Variants in RBMS3 observed in about 807,000 individuals in gnomAD.
RBMS3 encodes RNA-binding motif, single-stranded-interacting protein 3.
Under a neutral mutation model 66.8 loss-of-function variants are expected in RBMS3, and 27 were observed. The ratio of observed to expected loss-of-function variants is 0.40; its 90% CI spans 0.30 to 0.56. The LOEUF is 0.56. Among genes scored for constraint, RBMS3 ranks in the 20% least tolerant of loss-of-function variants. RBMS3 has a pLI of 0.40. For missense variants in RBMS3, 513 were observed against 549.5 expected (o/e 0.93, Z 0.66); for synonymous variants, 188 against 183.0 (o/e 1.03, Z -0.22).
chr3:29,450,108 C>T (rs2041965411), intron 2 of RBMS3, among the ~76,000 whole-genome samples: 1 of 152,180 alleles, frequency 6.6e-6, no homozygotes, highest in Non-Finnish European at 1.5e-5. Flanking sequence ...TAATGTCTGT[C>T]TAACATGGCC....
intron 4 of RBMS3, among the ~76,000 whole-genome samples, chr3:29,621,827 T>C (rs531826711): frequency 6.6e-6 from 1 of 152,190 alleles, no homozygotes; most frequent in South Asian, 2.1e-4. Flanking sequence ...TCTGAAAAGA[T>C]ATCATATACC....
Position 29,546,708 on chromosome 3 carries a change from T to A in RBMS3, c.308-40406T>A, listed in dbSNP as rs539746512. On this transcript the variant is annotated intron_variant, in intron 3 of 14. Transcript: ENST00000383767. ...TAAGTTTTGCTAGTCTATGATTGCA[T>A]TGGGCTGGGATACAGAAATTGCTAC... Among the ~76,000 whole-genome samples the A allele has an allele frequency of 2.7e-4, 41 of 152,254 alleles. 1 individual carries two copies. The South Asian group carries it at 8.3e-3, about 31-fold the overall frequency.
At chr3:29,368,898 CAT>C (rs1392857418) in intron 1 of RBMS3, among the ~76,000 whole-genome samples, 23 of 152,060 alleles carry the variant, frequency 1.5e-4, no homozygotes, top group African/African-American at 4.8e-4. Flanking sequence ...ATAGCAAAGA[CAT>C]AGAATCAACC....
At chr3:29,968,342 C>T (rs950304358) in intron 12 of RBMS3, among the ~76,000 whole-genome samples, 1 of 152,164 alleles carries the variant, frequency 6.6e-6, no homozygotes, top group Admixed American at 6.5e-5. Flanking sequence ...TCATGCCCTC[C>T]CCTGAGTTCT....
intron 1 of RBMS3, among the ~76,000 whole-genome samples, chr3:29,430,489 C>T (rs1359898251): frequency 6.6e-6 from 1 of 152,192 alleles, no homozygotes; most frequent in African/African-American, 2.4e-5. Context: ...ATCCCAACTT[C>T]GGTTGGCTTT....
rs1469879794 is a variant in RBMS3 at position 29,655,229 on chromosome 3, T to A, written c.399+68024T>A. On this transcript the variant is annotated intron_variant, in intron 4 of 14. Transcript: ENST00000383767. Reference sequence around the variant, plus strand: ...ATGGCTTGTGAATACTAAGTGGCATTTGAATCATGTGTGCTTTCATGGAAA... The same window carrying A: ...ATGGCTTGTGAATACTAAGTGGCATATGAATCATGTGTGCTTTCATGGAAA... 3.3e-5 allele frequency among the ~76,000 whole-genome samples: 5 copies of A among 152,146 alleles called. No individual in the cohort carries two copies. The East Asian group carries it at 9.6e-4, about 29-fold the overall frequency.
chr3:29,789,534 T>C (rs1333095123), intron 6 of RBMS3, among the ~76,000 whole-genome samples: 1 of 152,130 alleles, frequency 6.6e-6, no homozygotes, highest in Non-Finnish European at 1.5e-5. Flanking sequence ...AATCACCATG[T>C]ATATTTTTTA....
At chr3:29,566,826 A>C (rs562477955) in intron 3 of RBMS3, among the ~76,000 whole-genome samples, 42 of 152,022 alleles carry the variant, frequency 2.8e-4, no homozygotes, top group Non-Finnish European at 5.0e-4. Flanking sequence ...CTTGATCGTT[A>C]TGGTGGTTAT....
At chr3:29,312,530 C>T (rs1345877681) in intron 1 of RBMS3, among the ~76,000 whole-genome samples, 1 of 151,586 alleles carries the variant, frequency 6.6e-6, no homozygotes, top group Non-Finnish European at 1.5e-5. Context: ...AAATTTAAAT[C>T]ACTAATTAAT....
chr3:29,506,608 G>C (rs1017734681), intron 3 of RBMS3, among the ~76,000 whole-genome samples: 1 of 151,952 alleles, frequency 6.6e-6, no homozygotes. Context: ...GTATTTAAAA[G>C]TATTCCCTCT....
At chr3:29,564,715 A>G (rs2046681257) in intron 3 of RBMS3, among the ~76,000 whole-genome samples, 1 of 152,096 alleles carries the variant, frequency 6.6e-6, no homozygotes, top group Non-Finnish European at 1.5e-5. Context: ...GGTTTACACT[A>G]CCTTGCAGAA....
chr3:29,807,281 A>G (rs2057585551), intron 6 of RBMS3, among the ~76,000 whole-genome samples: 1 of 151,968 alleles, frequency 6.6e-6, no homozygotes, highest in African/African-American at 2.4e-5. Context: ...CTCTGCATAA[A>G]TCTAGCCTCT....
At chr3:29,594,836 CTAAAGT>C (rs1469381040) in intron 4 of RBMS3, among the ~76,000 whole-genome samples, 3 of 152,148 alleles carry the variant, frequency 2.0e-5, no homozygotes, top group Non-Finnish European at 2.9e-5. Context: ...GCAGACTCAT[CTAAAGT>C]TAAATATTTG....
At chr3:29,859,765 A>G (rs1206328195) in intron 6 of RBMS3, among the ~76,000 whole-genome samples, 3 of 152,232 alleles carry the variant, frequency 2.0e-5, no homozygotes, top group Non-Finnish European at 1.5e-5. Context: ...ACTCCAAAAT[A>G]TAATAATTCT....
At chr3:29,880,264 CTA>C (rs1219114029) in intron 7 of RBMS3, among the ~76,000 whole-genome samples, 1 of 152,114 alleles carries the variant, frequency 6.6e-6, no homozygotes, top group Non-Finnish European at 1.5e-5. Flanking sequence ...ATGAATGTCT[CTA>C]TTACACAAAC....
intron 1 of RBMS3, among the ~76,000 whole-genome samples, chr3:29,342,571 G>C (rs186027011): frequency 2.0e-5 from 3 of 152,072 alleles, no homozygotes; most frequent in African/African-American, 7.2e-5. Flanking sequence ...AGCTTGGATC[G>C]TGAAAACACA....
chr3:29,632,806 G>A (rs1050505795), intron 4 of RBMS3, among the ~76,000 whole-genome samples: 3 of 151,824 alleles, frequency 2.0e-5, no homozygotes, highest in African/African-American at 4.8e-5. Context: ...AATCTAAGAG[G>A]TTTTCTGTGG....
intron 5 of RBMS3, among the ~76,000 whole-genome samples, chr3:29,749,779 G>C (rs1244224640): frequency 6.6e-6 from 1 of 152,058 alleles, no homozygotes; most frequent in African/African-American, 2.4e-5. Flanking sequence ...ATTCCTCAAA[G>C]CAATCTGGTC....
intron 3 of RBMS3, among the ~76,000 whole-genome samples, chr3:29,496,567 C>A (rs142311752): frequency 6.6e-6 from 1 of 152,134 alleles, no homozygotes; most frequent in Non-Finnish European, 1.5e-5. Context: ...CAGCCAAGTT[C>A]GGAAAGAATA....
Sources: allele counts gnomAD v4.1 joint callset (sites outside exome capture counted in the v4.1 genomes callset), GRCh38; gene constraint gnomAD v4.1.1; transcripts MANE v1.5; gene names NCBI Gene and HGNC (gene_info 2026-07-23, HGNC 2026-07-21).